Variants in NRXN1 observed in about 807,000 individuals in gnomAD.
NRXN1 encodes the protein neurexin 1, also known as neurexin-1.
In NRXN1, 39 loss-of-function variants were observed where a neutral mutation model predicts 150.9. The observed-to-expected ratio is 0.26, with a 90% CI of 0.20 to 0.34. The LOEUF (loss-of-function observed/expected upper bound fraction) is 0.34. NRXN1 is among the 10% of genes least tolerant of loss of function. NRXN1 has a pLI of 1.00. For missense variants in NRXN1, 1,815 were observed against 1,949.9 expected, an observed-to-expected ratio of 0.93 and a Z score of 1.30; for synonymous variants, 924 against 757.0, an observed-to-expected ratio of 1.22 and a Z score of -3.62.
intron 18 of NRXN1, among the ~76,000 whole-genome samples, chr2:50,228,858 T>A (rs890739067): frequency 1.3e-5 from 2 of 151,964 alleles, no homozygotes; most frequent in Non-Finnish European, 2.9e-5. Flanking sequence ...GCGTCCCCCA[T>A]TCAGGGCTGT....
In NRXN1 at chr2:50,552,943, A is replaced by C. The variant is rs1019441679; in HGVS notation, c.1403T>G (p.Val468Gly). Residue 468 changes from valine (V) to glycine (G), a missense_variant, in exon 9 of 23, where the codon GTG becomes GGG. This residue lies in a region of NRXN1 where 638 missense variants were observed against 652.6 expected (regional missense o/e 0.98). Coordinates refer to ENST00000401669, the MANE Select transcript of NRXN1 (RefSeq NM_001330078.2). ...AACATTCTCACATTTAAATGCCACC[A>C]CTCCATGGATCTTCATCTTAGGATC... ...QGDPKMKIHG[V>G]VAFKCENVAT... 7.4e-6 allele frequency: 12 copies of C among 1,613,510 alleles called. No individual in the cohort carries two copies. Among genetic ancestry groups the C allele is most frequent in the Admixed American group, 5.0e-5 (3 of 59,970 alleles).
At chr2:50,499,596 G>A (rs924071296) in intron 13 of NRXN1, among the ~76,000 whole-genome samples, 1 of 151,982 alleles carries the variant, frequency 6.6e-6, no homozygotes, top group African/African-American at 2.4e-5. Context: ...CAAATATAAA[G>A]CTCTAAAGAC....
intron 5 of NRXN1, among the ~76,000 whole-genome samples, chr2:50,822,602 C>A (rs1669898361): frequency 6.6e-6 from 1 of 152,088 alleles, no homozygotes. Flanking sequence ...AAAGGACACA[C>A]TCCTATTTTA....
chr2:50,346,209 T>G lies in NRXN1; in HGVS notation c.3365-109239A>C, dbSNP rs2077952498. ...AGTCTGGGCGCACTTTGGAGGAATG[T>G]GCGGGCTGGAATCTCTCCCTCCCCG... On this transcript the variant is annotated intron_variant, in intron 17 of 22. Transcript: ENST00000401669. This position sits in a 1 kb window ranked among gnomAD's most constrained non-coding sequence, Gnocchi z 5.0. Among the ~76,000 whole-genome samples the G allele has an allele frequency of 6.6e-6, 1 of 152,172 alleles. No individual in the cohort carries two copies. The highest frequency in any genetic ancestry group is 2.4e-5 in the African/African-American group (1 of 41,456).
At chr2:50,531,132 T>C in intron 11 of NRXN1, 95 bp downstream of exon 11, 1 of 994,312 alleles carries the variant, frequency 1.0e-6, no homozygotes, top group South Asian at 1.6e-5. Context: ...GTGTTTTAAT[T>C]TTCCATGGCA....
chr2:50,231,042 T>TTA (rs1233322345), intron 18 of NRXN1, among the ~76,000 whole-genome samples: 21 of 151,962 alleles, frequency 1.4e-4, no homozygotes, highest in Admixed American at 9.2e-4. Flanking sequence ...AGCTACCTCG[T>TTA]GATACGGCAA....
intron 8 of NRXN1, among the ~76,000 whole-genome samples, chr2:50,591,402 A>AGATAGATAGATAGAT (rs1259396740): frequency 2.2e-5 from 3 of 135,226 alleles, no homozygotes; most frequent in East Asian, 4.4e-4. Flanking sequence ...ATAGATAGAT[A>AGATAGATAGATAGAT]GATAGATAGA....
At chr2:50,320,233 A>T (rs1307144440) in intron 17 of NRXN1, among the ~76,000 whole-genome samples, 1 of 144,338 alleles carries the variant, frequency 6.9e-6, no homozygotes, top group Admixed American at 7.1e-5. Flanking sequence ...ATTTTATCAG[A>T]TAAATAATCA....
At chr2:50,798,852 G>C (rs1181439114) in intron 5 of NRXN1, among the ~76,000 whole-genome samples, 2 of 152,132 alleles carry the variant, frequency 1.3e-5, no homozygotes, top group African/African-American at 2.4e-5. Flanking sequence ...CAGCAGATTA[G>C]AAGATCTTGC....
intron 5 of NRXN1, among the ~76,000 whole-genome samples, chr2:50,737,669 C>T (rs930561090): frequency 1.3e-4 from 20 of 152,008 alleles, no homozygotes; most frequent in African/African-American, 4.8e-4. Context: ...TTTGGATGAT[C>T]GCCCTCTATA....
chr2:50,758,293 G>A (rs1701393067), intron 5 of NRXN1, among the ~76,000 whole-genome samples: 2 of 151,758 alleles, frequency 1.3e-5, no homozygotes, highest in Admixed American at 1.3e-4. Flanking sequence ...GCTTAGAAAT[G>A]TTGACCTTTA....
chr2:50,646,588 A>T (rs944766180), intron 5 of NRXN1, among the ~76,000 whole-genome samples: 3 of 151,916 alleles, frequency 2.0e-5, no homozygotes, highest in African/African-American at 7.2e-5. Flanking sequence ...GCTAAATCAC[A>T]TTAATCTATT....
At chr2:50,828,283 C>T (rs1188635807) in intron 5 of NRXN1, among the ~76,000 whole-genome samples, 1 of 133,948 alleles carries the variant, frequency 7.5e-6, no homozygotes, top group East Asian at 2.5e-4. Flanking sequence ...TGACCCCCCC[C>T]ACCTCCCTCC....
intron 5 of NRXN1, among the ~76,000 whole-genome samples, chr2:50,884,812 A>G (rs1273514864): frequency 6.8e-6 from 1 of 147,988 alleles, no homozygotes; most frequent in Non-Finnish European, 1.5e-5. Context: ...AGCTGAGAAC[A>G]TACTGTTTTT....
chr2:50,638,061 G>C (rs1049884686), intron 5 of NRXN1, among the ~76,000 whole-genome samples: 2 of 152,038 alleles, frequency 1.3e-5, no homozygotes, highest in Admixed American at 6.6e-5. Flanking sequence ...AAACTTTATA[G>C]TTGGAAGAGG....
intron 2 of NRXN1, among the ~76,000 whole-genome samples, chr2:51,005,885 A>G (rs576948278): frequency 1.3e-5 from 2 of 151,860 alleles, no homozygotes; most frequent in Non-Finnish European, 2.9e-5. Context: ...TATGTTGCCT[A>G]CAAGAAACCC....
At chr2:50,068,553 C>T (rs1439521434) in intron 19 of NRXN1, among the ~76,000 whole-genome samples, 1 of 152,102 alleles carries the variant, frequency 6.6e-6, no homozygotes, top group Non-Finnish European at 1.5e-5. Flanking sequence ...CTAGCTGGAT[C>T]AGTAGCATAA....
rs188102957 is a variant in NRXN1, at chr2:49,920,358, T to C, written c.*1586A>G. The C allele has an allele frequency of 3.5e-3, 536 of 152,664 alleles. 1 individual carries two copies. The highest frequency in any genetic ancestry group is 0.012 in the African/African-American group (488 of 41,540). The allele number at this position is 152,664 out of a possible 1,614,324, so 9.5% of individuals were successfully genotyped here. Reference sequence around the variant, plus strand: ...ATCATGCACATCAGATTCAGAGATATATATATTATTTTATTAGAAAGAAAG... The same window carrying C: ...ATCATGCACATCAGATTCAGAGATACATATATTATTTTATTAGAAAGAAAG... On this transcript the variant is annotated 3_prime_UTR_variant, in exon 23 of 23. Coordinates refer to ENST00000401669, the MANE Select transcript of NRXN1 (RefSeq NM_001330078.2).
intron 11 of NRXN1, chr2:50,528,856 A>T: frequency 4.3e-6 from 2 of 464,366 alleles, no homozygotes; most frequent in Non-Finnish European, 3.9e-6. Context: ...AGGTTTTAAA[A>T]ATGGCCAATT....
Sources: gnomAD v4.1 joint callset for allele counts (sites outside exome capture counted in the v4.1 genomes callset) on GRCh38, gnomAD v4.1.1 for gene constraint, gnomAD v4.1.1 regional missense constraint, Gnocchi (gnomAD v3.1) non-coding constraint, MANE v1.5 for transcripts, NCBI Gene and HGNC (gene_info 2026-07-23, HGNC 2026-07-21) for gene names.